The following COL21A1 variants were observed in gnomAD, a reference collection of about 807,000 sequenced individuals.
The protein encoded by COL21A1 is collagen alpha-1(XXI) chain.
A neutral mutation model predicts 137.9 loss-of-function variants in COL21A1; 149 were observed. That is an observed-to-expected ratio of 1.08 (90% CI 0.95 to 1.24). The LOEUF is 1.24. Among genes scored for constraint, COL21A1 ranks in the 50% most tolerant of loss-of-function variants. COL21A1 has a pLI of 0.00. For missense variants in COL21A1, 1,167 were observed against 1,158.4 expected, an observed-to-expected ratio of 1.01 and a Z score of -0.11; for synonymous variants, 456 against 391.5, an observed-to-expected ratio of 1.16 and a Z score of -1.95.
At chr6:56,337,502 T>C (rs1765355797) in intron 1 of COL21A1, among the ~76,000 whole-genome samples, 2 of 152,222 alleles carry the variant, frequency 1.3e-5, no homozygotes, top group African/African-American at 4.8e-5. Context: ...ATTCTTATTC[T>C]CAACCACCAA....
intron 1 of COL21A1, among the ~76,000 whole-genome samples, chr6:56,316,282 A>G (rs1311282054): frequency 6.6e-6 from 1 of 152,010 alleles, no homozygotes; most frequent in Non-Finnish European, 1.5e-5. Flanking sequence ...TTTTATTGTA[A>G]TCATTATGAT....
intron 1 of COL21A1, chr6:56,225,772 G>A (rs2152314996): frequency 6.6e-6 from 1 of 152,018 alleles, no homozygotes; most frequent in African/African-American, 2.4e-5. Flanking sequence ...ACAAAAAAGA[G>A]TATTTTGAAA....
At chr6:56,158,253 C>CTTTTTTTTTTTTTTTTTT (rs59381031) in intron 9 of COL21A1, among the ~76,000 whole-genome samples, 1 of 104,908 alleles carries the variant, frequency 9.5e-6, no homozygotes, top group African/African-American at 3.7e-5. Flanking sequence ...TGGGTTTTTT[C>CTTTTTTTTTTTTTTTTTT]TTTTTTTTTT....
intron 1 of COL21A1, among the ~76,000 whole-genome samples, chr6:56,296,956 C>T (rs1221508121): frequency 6.6e-6 from 1 of 152,006 alleles, no homozygotes; most frequent in Non-Finnish European, 1.5e-5. Context: ...TTAGGCTCAA[C>T]CTAGGCTATT....
chr6:56,183,019 G>C (rs1468184288), intron 1 of COL21A1, among the ~76,000 whole-genome samples: 2 of 151,990 alleles, frequency 1.3e-5, no homozygotes, highest in African/African-American at 4.8e-5. Flanking sequence ...TTTAAACGTG[G>C]GTTTGTATTT....
intron 1 of COL21A1, among the ~76,000 whole-genome samples, chr6:56,291,133 T>A (rs1764031623): frequency 6.6e-6 from 1 of 152,102 alleles, no homozygotes; most frequent in South Asian, 2.1e-4. Flanking sequence ...AGTGAGAATC[T>A]TGTATAAAGA....
chr6:56,124,886 C>T (rs1772897967), intron 14 of COL21A1, among the ~76,000 whole-genome samples: 1 of 152,056 alleles, frequency 6.6e-6, no homozygotes, highest in Non-Finnish European at 1.5e-5. Context: ...ACTTCGTGAT[C>T]TGCCCACCTT....
chr6:56,249,824 A>G (rs985024758), upstream of COL21A1, among the ~76,000 whole-genome samples: 6 of 152,190 alleles, frequency 3.9e-5, no homozygotes, highest in Non-Finnish European at 7.3e-5. Context: ...GAATATACTA[A>G]AAACTACTGA....
chr6:56,319,386 G>A (rs1764815384), intron 1 of COL21A1, among the ~76,000 whole-genome samples: 1 of 152,158 alleles, frequency 6.6e-6, no homozygotes, highest in African/African-American at 2.4e-5. Flanking sequence ...CACCCAGGCT[G>A]GAGTGCAGTG....
intron 1 of COL21A1, among the ~76,000 whole-genome samples, chr6:56,293,478 A>T (rs1050796008): frequency 4.6e-5 from 7 of 152,304 alleles, no homozygotes; most frequent in South Asian, 2.1e-4. Flanking sequence ...ACAACAAAAA[A>T]GGTGTAACTC....
chr6:56,070,830 T>C, intron 20 of COL21A1, 32 bp from the exon 21 acceptor site: 2 of 1,525,030 alleles, frequency 1.3e-6, no homozygotes, highest in Non-Finnish European at 8.9e-7. Context: ...TGGAGTTTTT[T>C]AAAAACAATT....
chr6:56,240,161 T>G (rs1782197564), intron 1 of COL21A1, among the ~76,000 whole-genome samples: 1 of 148,616 alleles, frequency 6.7e-6, no homozygotes, highest in Non-Finnish European at 1.5e-5. Context: ...CCATTAAACT[T>G]TTTTTTTTTT....
At chr6:56,346,497 T>G (rs752849532) in intron 1 of COL21A1, among the ~76,000 whole-genome samples, 1 of 152,234 alleles carries the variant, frequency 6.6e-6, no homozygotes, top group Non-Finnish European at 1.5e-5. Flanking sequence ...AGAAATTATT[T>G]GGCTCTACCT....
intron 1 of COL21A1, among the ~76,000 whole-genome samples, chr6:56,219,281 A>C (rs1394008751): frequency 6.7e-6 from 1 of 148,506 alleles, no homozygotes; most frequent in Non-Finnish European, 1.5e-5. Context: ...GGTCTAATCC[A>C]CTACACCACT....
At chr6:56,309,332 C>A (rs1012304484) in intron 1 of COL21A1, among the ~76,000 whole-genome samples, 44 of 152,154 alleles carry the variant, frequency 2.9e-4, no homozygotes, top group African/African-American at 1.1e-3. Context: ...GCCACCGTGC[C>A]CGGCCAATAA....
intron 1 of COL21A1, among the ~76,000 whole-genome samples, chr6:56,340,552 T>C (rs1369759848): frequency 6.6e-6 from 1 of 152,168 alleles, no homozygotes; most frequent in Admixed American, 6.6e-5. Flanking sequence ...GTCTAAGGAC[T>C]AGTGGAATAT....
intron 1 of COL21A1, among the ~76,000 whole-genome samples, chr6:56,257,535 C>T (rs938097597): frequency 1.3e-5 from 2 of 151,756 alleles, no homozygotes; most frequent in Non-Finnish European, 2.9e-5. Flanking sequence ...GAAGAAAAAA[C>T]CCCCAAAGCC....
intron 1 of COL21A1, among the ~76,000 whole-genome samples, chr6:56,259,626 C>T (rs1221205064): frequency 6.6e-6 from 1 of 152,188 alleles, no homozygotes; most frequent in African/African-American, 2.4e-5. Flanking sequence ...TTGGGCACAT[C>T]CAATATAGTC....
At chr6:56,362,672 G>A (rs1485730220) in intron 1 of COL21A1, among the ~76,000 whole-genome samples, 2 of 151,844 alleles carry the variant, frequency 1.3e-5, no homozygotes, top group African/African-American at 2.4e-5. Flanking sequence ...TTCCACACGG[G>A]CACAACCCCT....
Sources: gnomAD v4.1 joint callset for allele counts (sites outside exome capture counted in the v4.1 genomes callset) on GRCh38, gnomAD v4.1.1 for gene constraint, MANE v1.5 for transcripts, NCBI Gene and HGNC (gene_info 2026-07-23, HGNC 2026-07-21) for gene names.